The following FBXO40 variants were observed in gnomAD, a reference collection of about 807,000 sequenced individuals.
The protein encoded by FBXO40 is F-box only protein 40.
FBXO40 carries 50 observed loss-of-function variants against 49.9 expected under a neutral mutation model. That is an observed-to-expected ratio of 1.00 (90% CI 0.80 to 1.27). The LOEUF (loss-of-function observed/expected upper bound fraction) is 1.27, where lower values mean the gene tolerates loss of function less well. FBXO40 is among the 50% of genes most tolerant of loss of function. FBXO40 has a pLI of 0.00. For synonymous variants in FBXO40, 340 were observed against 320.2 expected, an observed-to-expected ratio of 1.06 and a Z score of -0.66; for missense variants, 895 against 870.1, an observed-to-expected ratio of 1.03 and a Z score of -0.36.
chr3:121,606,969 T>A (rs1160251780), intron 1 of FBXO40, among the ~76,000 whole-genome samples: 1 of 152,182 alleles, frequency 6.6e-6, no homozygotes. Context: ...TTTCTTTTAA[T>A]AAACTTTTAG....
At position 121,627,910 on chromosome 3, in the gene FBXO40, G is replaced by A. The variant is rs1158911266; in HGVS notation, c.*1000G>A. The A allele has an allele frequency of 3.3e-5, 13 of 398,536 alleles. No homozygotes were observed. The highest frequency in any genetic ancestry group is 8.2e-5 in the African/African-American group (4 of 48,606). The allele number at this position is 398,536 out of a possible 1,614,324, so 24.7% of individuals were successfully genotyped here. The stretch of plus-strand genomic sequence containing the variant: ...CTATGGCGCCAGTCACCAGCTCCTA[G>A]ACAGCACTTGGGTACCCCATTGGGG... On this transcript the variant is annotated 3_prime_UTR_variant, in exon 4 of 4. Transcript: ENST00000338040.
Position 121,622,172 on chromosome 3 carries a change from A to T in FBXO40, c.743A>T (p.Lys248Ile), listed in dbSNP as rs142436040. The T allele has an allele frequency of 5.5e-3, 8,929 of 1,614,114 alleles. 29 individuals carry two copies. Among genetic ancestry groups the T allele is most frequent in the Non-Finnish European group, 6.8e-3 (8,029 of 1,179,976 alleles). ...AGCAAGAACAAGAATGACTCCGAGA[A>T]AGAACAGATTTCCAGTGGCCATAAC... ...CESKNKNDSE[K>I]EQISSGHNMV... The change falls in exon 3 of 4, where the codon AAA (lysine) becomes ATA (isoleucine). Residue 248 changes from lysine (K) to isoleucine (I), a missense_variant. Physicochemically the swap from Lys to Ile is moderately radical, Grantham distance 102. Coordinates refer to ENST00000338040, the MANE Select transcript of FBXO40 (RefSeq NM_016298.4).
At chr3:121,623,985 G>A (rs1313599698) in intron 3 of FBXO40, among the ~76,000 whole-genome samples, 1 of 82,552 alleles carries the variant, frequency 1.2e-5, no homozygotes, top group Admixed American at 1.6e-4. Flanking sequence ...ACTGCACCTG[G>A]CCTTTTTTTT....
At chr3:121,617,742 G>T (rs1228512896) in intron 1 of FBXO40, among the ~76,000 whole-genome samples, 3 of 152,172 alleles carry the variant, frequency 2.0e-5, no homozygotes, top group African/African-American at 7.2e-5. Flanking sequence ...GCTCACACCT[G>T]TAATCTCAGC....
intron 1 of FBXO40, among the ~76,000 whole-genome samples, chr3:121,605,582 T>C (rs760620746): frequency 1.3e-5 from 2 of 152,172 alleles, no homozygotes; most frequent in Non-Finnish European, 2.9e-5. Flanking sequence ...TAGAAAACCA[T>C]CTCAAATCTG....
intron 1 of FBXO40, among the ~76,000 whole-genome samples, chr3:121,601,573 G>A (rs902381344): frequency 1.3e-5 from 2 of 152,226 alleles, no homozygotes; most frequent in African/African-American, 4.8e-5. Flanking sequence ...TAGAGCTTAA[G>A]AGTTAGTCAC....
rs188211386 is a variant in FBXO40, at chr3:121,597,471, T to C, written c.-31+3969T>C. Among the ~76,000 whole-genome samples the C allele has an allele frequency of 2.7e-3, 415 of 151,702 alleles. 3 individuals carry two copies. The highest frequency in any genetic ancestry group is 8.2e-4 in the Non-Finnish European group (56 of 67,910). Reference sequence around the variant, plus strand: ...AACTGACAGTGGAATATAAGATACATTGGAGTGAGGGGGACTGAAAATGGA... The same window carrying C: ...AACTGACAGTGGAATATAAGATACACTGGAGTGAGGGGGACTGAAAATGGA... On this transcript the variant is annotated intron_variant, in intron 1 of 3. Transcript: ENST00000338040.
At chr3:121,614,289 A>G (rs1020389777) in intron 1 of FBXO40, among the ~76,000 whole-genome samples, 2 of 150,904 alleles carry the variant, frequency 1.3e-5, no homozygotes, top group Non-Finnish European at 3.0e-5. Flanking sequence ...AAAAAAAAAA[A>G]AAATTAGCTG....
chr3:121,623,087 T>C lies in FBXO40; in HGVS notation c.1658T>C (p.Leu553Pro). ...ATTAAGCCGGAGGTTGCTCCAGAGCTGAGCGAGGGAAGGAAGAACAACCAT... is the reference window on the plus strand; with the variant it reads ...ATTAAGCCGGAGGTTGCTCCAGAGCCGAGCGAGGGAAGGAAGAACAACCAT... The part of the protein sequence containing the change: ...FAIKPEVAPE[L>P]SEGRKNNHLL... Residue 553 changes from leucine to proline, a missense_variant, in exon 3 of 4, where the codon CTG (leucine) becomes CCG (proline). Transcript: ENST00000338040. 6.2e-7 allele frequency: 1 copy of C among 1,614,222 alleles called. No individual in the cohort carries two copies. Among genetic ancestry groups the C allele is most frequent in the Non-Finnish European group, 8.5e-7 (1 of 1,180,044 alleles).
In FBXO40 at chr3:121,626,552, A is replaced by G. The variant is rs766792724; in HGVS notation, c.1915-143A>G. ...GGAATTGGATGCTGGAGGAGGGGCT[A>G]CCAAATGTCTGCAGGAGCCACTAAA... On this transcript the variant is annotated intron_variant, in intron 3 of 3. Coordinates refer to ENST00000338040, the MANE Select transcript of FBXO40 (RefSeq NM_016298.4). 1.5e-3 allele frequency: 1,098 copies of G among 730,226 alleles called. 2 individuals are homozygous for G. The highest frequency in any genetic ancestry group is 7.5e-3 in the Middle Eastern group (19 of 2,538). The allele number at this position is 730,226 out of a possible 1,614,324, so 45.2% of individuals were successfully genotyped here.
rs777764716 is a variant in FBXO40, at chr3:121,622,930, T to A, written c.1501T>A (p.Ser501Thr). 5.0e-6 allele frequency: 8 copies of A among 1,614,098 alleles called. No homozygotes were observed. The highest frequency in any genetic ancestry group is 1.3e-5 in the African/African-American group (1 of 74,942). ...HFKNVHTDIQ[S>T]CLNGWFQHRC... is the part of the protein sequence containing the mutation. The stretch of plus-strand genomic sequence containing the variant: ...CAAGAATGTCCACACAGACATTCAG[T>A]CATGTCTCAATGGCTGGTTCCAGCA... Residue 501 changes from serine (S) to threonine (T), a missense_variant, in exon 3 of 4, where the codon TCA (serine) becomes ACA (threonine). Ser to Thr is a moderately conservative substitution (Grantham distance 58). Transcript: ENST00000338040.
intron 1 of FBXO40, among the ~76,000 whole-genome samples, chr3:121,598,769 G>T (rs2048885851): frequency 6.6e-6 from 1 of 152,068 alleles, no homozygotes; most frequent in African/African-American, 2.4e-5. Context: ...TCCCACCTTG[G>T]TCTCCCACAG....
At chr3:121,612,121 C>G (rs1228793216) in intron 1 of FBXO40, among the ~76,000 whole-genome samples, 3 of 152,214 alleles carry the variant, frequency 2.0e-5, no homozygotes, top group Non-Finnish European at 4.4e-5. Flanking sequence ...ATGTTAGTCT[C>G]TCAAATTCAT....
intron 1 of FBXO40, among the ~76,000 whole-genome samples, chr3:121,594,788 T>G (rs2048863123): frequency 6.6e-6 from 1 of 152,204 alleles, no homozygotes; most frequent in Non-Finnish European, 1.5e-5. Flanking sequence ...GTTGAAAAAC[T>G]TATATAGGCT....
At chr3:121,599,005 T>G (rs868648320) in intron 1 of FBXO40, among the ~76,000 whole-genome samples, 28 of 151,598 alleles carry the variant, frequency 1.8e-4, no homozygotes, top group African/African-American at 6.8e-4. Flanking sequence ...CGTGTAGATC[T>G]TGGGACTATT....
At chr3:121,614,064 C>T (rs774860912) in intron 1 of FBXO40, among the ~76,000 whole-genome samples, 2 of 152,056 alleles carry the variant, frequency 1.3e-5, no homozygotes, top group Non-Finnish European at 2.9e-5. Flanking sequence ...GTCAAGAGAT[C>T]GAGACCATTC....
At chr3:121,623,541 T>C (rs2049045872) in intron 3 of FBXO40, among the ~76,000 whole-genome samples, 198 bp downstream of exon 3, 1 of 152,188 alleles carries the variant, frequency 6.6e-6, no homozygotes, top group Admixed American at 6.5e-5. Flanking sequence ...TTCTGACTAA[T>C]TTTTAAATTG....
Position 121,622,554 on chromosome 3 carries a change from C to A in FBXO40, c.1125C>A (p.His375Gln), listed in dbSNP as rs201882585. ...DAMLSCKPSE[H>Q]KAVDTSDLGI... ...TGTTGAGTTGTAAGCCAAGTGAACA[C>A]AAGGCAGTGGATACTTCAGATTTGG... Residue 375 changes from histidine (H) to glutamine (Q), a missense_variant, in exon 3 of 4, where the codon CAC (histidine) becomes CAA (glutamine). Physicochemically the swap from His to Gln is conservative, Grantham distance 24. Transcript: ENST00000338040. 1.3e-4 allele frequency: 205 copies of A among 1,614,182 alleles called. 1 individual carries two copies. The Middle Eastern group carries it at 2.3e-3, about 18-fold the overall frequency.
rs1191077644 is a variant in FBXO40 at position 121,599,723 on chromosome 3, TA to T, written c.-31+6222del. Among the ~76,000 whole-genome samples, 318 of 50,490 alleles carry T rather than the reference TA, an allele frequency of 6.3e-3. 3 individuals are homozygous for T. Among genetic ancestry groups the T allele is most frequent in the Admixed American group, 7.3e-3 (25 of 3,412 alleles). 33.1% of individuals were successfully genotyped at this position (50,490 alleles called of 152,430 possible). A position where few individuals can be genotyped will look rare whatever the true frequency, so the allele number is the denominator to read the frequency against. ...ACACACACATATATATATATATATA[TA>T]TTTTTTTTTTTTTTTGGAGACGGAG... On this transcript the variant is annotated intron_variant, in intron 1 of 3. Coordinates refer to ENST00000338040, the MANE Select transcript of FBXO40 (RefSeq NM_016298.4).
Sources: allele counts gnomAD v4.1 joint callset (sites outside exome capture counted in the v4.1 genomes callset), GRCh38; gene constraint gnomAD v4.1.1; transcripts MANE v1.5; gene names NCBI Gene and HGNC (gene_info 2026-07-23, HGNC 2026-07-21).